IFT57: variants seen among roughly 807,000 people sequenced by gnomAD.
IFT57 encodes the protein intraflagellar transport 57, also known as intraflagellar transport protein 57 homolog.
A neutral mutation model predicts 56.8 loss-of-function variants in IFT57; 59 were observed. The ratio of observed to expected loss-of-function variants is 1.04; its 90% CI spans 0.84 to 1.29. The LOEUF (loss-of-function observed/expected upper bound fraction) is 1.29, where lower values mean the gene tolerates loss of function less well. Ranked by LOEUF, IFT57 falls within the 50% of genes most tolerant of loss-of-function variation. The pLI is 0.00. For synonymous variants in IFT57, 209 were observed against 186.1 expected (o/e 1.12, Z -1.00); for missense variants, 470 against 522.1 (o/e 0.90, Z 0.97).
intron 6 of IFT57, 39 bp from the exon 7 acceptor site, chr3:108,167,903 C>T: frequency 7.0e-7 from 1 of 1,424,098 alleles, no homozygotes; most frequent in Non-Finnish European, 9.6e-7. Flanking sequence ...GTAAAAAATA[C>T]TACATTTCCA....
intron 6 of IFT57, among the ~76,000 whole-genome samples, chr3:108,183,077 A>C (rs746641565): frequency 5.9e-5 from 9 of 152,144 alleles, no homozygotes; most frequent in Non-Finnish European, 1.0e-4. Context: ...GGGCCTAAGT[A>C]GGGTTTAGTT....
At chr3:108,179,663 CA>C (rs1202708425) in intron 6 of IFT57, among the ~76,000 whole-genome samples, 1 of 151,588 alleles carries the variant, frequency 6.6e-6, no homozygotes, top group Non-Finnish European at 1.5e-5. Context: ...AGAGAAAGAG[CA>C]AAAAAGAGAG....
At chr3:108,221,679 G>GA (rs1208753975) in intron 1 of IFT57, among the ~76,000 whole-genome samples, 4 of 151,558 alleles carry the variant, frequency 2.6e-5, no homozygotes, top group South Asian at 4.2e-4. Flanking sequence ...CCCCAAACTA[G>GA]AAAAAAAGCC....
chr3:108,217,830 CTAATTA>C (rs1371163561), intron 3 of IFT57, among the ~76,000 whole-genome samples: 2 of 151,394 alleles, frequency 1.3e-5, no homozygotes, highest in Non-Finnish European at 3.0e-5. Flanking sequence ...TTTATGTTTT[CTAATTA>C]TAATCTCTAT....
intron 6 of IFT57, among the ~76,000 whole-genome samples, chr3:108,187,802 T>C (rs1285125035): frequency 1.3e-5 from 2 of 152,158 alleles, no homozygotes; most frequent in Non-Finnish European, 2.9e-5. Flanking sequence ...CACTGACCAG[T>C]AAAACACACT....
At chr3:108,216,608 C>A (rs759550463) in intron 3 of IFT57, among the ~76,000 whole-genome samples, 3 of 152,184 alleles carry the variant, frequency 2.0e-5, no homozygotes, top group Non-Finnish European at 4.4e-5. Flanking sequence ...ACTCTATTAT[C>A]CAACAATCCC....
intron 6 of IFT57, among the ~76,000 whole-genome samples, chr3:108,170,386 ACTT>A (rs985153771): frequency 6.6e-6 from 1 of 152,026 alleles, no homozygotes; most frequent in South Asian, 2.1e-4. Flanking sequence ...TCATGAGTGA[ACTT>A]CTATTCACAA....
At chr3:108,175,889 C>T (rs1267367718) in intron 6 of IFT57, among the ~76,000 whole-genome samples, 2 of 151,698 alleles carry the variant, frequency 1.3e-5, no homozygotes, top group Non-Finnish European at 2.9e-5. Context: ...GTCACCTTCC[C>T]GTGTGCTGGG....
intron 5 of IFT57, among the ~76,000 whole-genome samples, chr3:108,193,297 G>A (rs116778202): frequency 1.2e-3 from 177 of 152,268 alleles, no homozygotes; most frequent in African/African-American, 4.0e-3. Context: ...CTGGAACAGA[G>A]CTAACATAAG....
At position 108,174,414 on chromosome 3, in the gene IFT57, C is replaced by T. The variant is rs62262368; in HGVS notation, c.778-6550G>A. Among the ~76,000 whole-genome samples, 490 of 147,656 alleles carry T rather than the reference C, an allele frequency of 3.3e-3. 3 individuals are homozygous for T. Among genetic ancestry groups the T allele is most frequent in the Non-Finnish European group, 5.9e-3 (392 of 65,924 alleles). On this transcript the variant is annotated intron_variant, in intron 6 of 10. Transcript: ENST00000264538. Reference sequence around the variant, plus strand: ...CTATCTGGATCCCTGAAATAAATAACATTAAAAGGAACTGTTCAACAATAA... The same window carrying T: ...CTATCTGGATCCCTGAAATAAATAATATTAAAAGGAACTGTTCAACAATAA...
chr3:108,167,309 C>T (rs1577046488), intron 7 of IFT57: 1 of 218,028 alleles, frequency 4.6e-6, no homozygotes, highest in Non-Finnish European at 9.1e-6. Context: ...TCCTATAGCA[C>T]GATTCAAAGG....
At chr3:108,171,826 G>A (rs1445638227) in intron 6 of IFT57, among the ~76,000 whole-genome samples, 18 of 151,578 alleles carry the variant, frequency 1.2e-4, no homozygotes, top group Admixed American at 1.1e-3. Flanking sequence ...ATCCTGCCTG[G>A]TTCCAAAAAG....
intron 5 of IFT57, among the ~76,000 whole-genome samples, chr3:108,203,167 G>A (rs894989102): frequency 6.6e-6 from 1 of 152,194 alleles, no homozygotes; most frequent in African/African-American, 2.4e-5. Flanking sequence ...CCTCCAGGGG[G>A]TGAGCTAAGC....
intron 1 of IFT57, among the ~76,000 whole-genome samples, chr3:108,220,915 T>A (rs141756614): frequency 1.3e-5 from 2 of 152,312 alleles, no homozygotes; most frequent in East Asian, 3.9e-4. Context: ...GTGCAAGAGA[T>A]GACATCAACA....
intron 6 of IFT57, among the ~76,000 whole-genome samples, chr3:108,169,417 T>C (rs1256843626): frequency 6.6e-6 from 1 of 152,032 alleles, no homozygotes; most frequent in Non-Finnish European, 1.5e-5. Context: ...TGCAAAAATT[T>C]TCTCCCATTC....
chr3:108,191,688 A>T, intron 5 of IFT57, 45 bp from the exon 6 acceptor site: 2 of 1,517,140 alleles, frequency 1.3e-6, no homozygotes, highest in Non-Finnish European at 1.8e-6. Context: ...TATAAAAAGA[A>T]ATGGTAAAAA....
intron 6 of IFT57, among the ~76,000 whole-genome samples, chr3:108,175,204 A>G (rs1054829616): frequency 1.6e-4 from 24 of 151,930 alleles, no homozygotes; most frequent in African/African-American, 5.8e-4. Flanking sequence ...CGTGTTCATT[A>G]GGCATCATTT....
intron 4 of IFT57, among the ~76,000 whole-genome samples, chr3:108,207,589 C>G (rs1406445418): frequency 6.6e-6 from 1 of 152,094 alleles, no homozygotes; most frequent in Admixed American, 6.5e-5. Context: ...TAGAACTATA[C>G]AAAGCTGTAG....
chr3:108,200,598 C>A (rs1430106827), intron 5 of IFT57, among the ~76,000 whole-genome samples: 3 of 151,984 alleles, frequency 2.0e-5, no homozygotes, highest in Admixed American at 2.0e-4. Flanking sequence ...GAACTATAAC[C>A]TACCTATTTA....
Sources: allele counts gnomAD v4.1 joint callset (sites outside exome capture counted in the v4.1 genomes callset), GRCh38; gene constraint gnomAD v4.1.1; transcripts MANE v1.5; gene names NCBI Gene and HGNC (gene_info 2026-07-23, HGNC 2026-07-21).